The following GSE1 variants were observed in gnomAD, a reference collection of about 807,000 sequenced individuals.
The protein encoded by GSE1 is Gse1 coiled-coil protein.
Under a neutral mutation model 112.6 loss-of-function variants are expected in GSE1, and 32 were observed. The observed-to-expected ratio is 0.28, with a 90% confidence interval of 0.21 to 0.38. GSE1 has a LOEUF of 0.38. Among genes scored for constraint, GSE1 ranks in the 10% least tolerant of loss-of-function variants. The pLI is 1.00. For synonymous variants in GSE1, 1,115 were observed against 735.6 expected, an observed-to-expected ratio of 1.52 and a Z score of -8.35; for missense variants, 2,348 against 1,699.2, an observed-to-expected ratio of 1.38 and a Z score of -6.71.
intron 1 of GSE1, among the ~76,000 whole-genome samples, chr16:85,314,197 G>T (rs2045935219): frequency 6.6e-6 from 1 of 152,282 alleles, no homozygotes; most frequent in South Asian, 2.1e-4. Flanking sequence ...AGCCCGGGGA[G>T]TGAGAAGGAA....
intron 1 of GSE1, among the ~76,000 whole-genome samples, chr16:85,337,514 C>T: frequency 6.6e-6 from 1 of 152,022 alleles, no homozygotes; most frequent in East Asian, 1.9e-4. Flanking sequence ...ACCGTGTTAG[C>T]CAGGATGGTC....
intron 1 of GSE1, among the ~76,000 whole-genome samples, chr16:85,571,538 G>A (rs966606790): frequency 7.2e-5 from 11 of 152,184 alleles, no homozygotes; most frequent in Non-Finnish European, 1.3e-4. Context: ...TGCAATCCTC[G>A]GAGCGATACT....
At chr16:85,339,218 A>G (rs1322077258) in intron 1 of GSE1, among the ~76,000 whole-genome samples, 4 of 151,972 alleles carry the variant, frequency 2.6e-5, no homozygotes, top group Non-Finnish European at 5.9e-5. Flanking sequence ...TTGCAAATTG[A>G]TTTTCCCAGT....
chr16:85,332,345 A>G (rs1263169964), intron 1 of GSE1, among the ~76,000 whole-genome samples: 2 of 152,212 alleles, frequency 1.3e-5, no homozygotes, highest in Non-Finnish European at 2.9e-5. Context: ...ACACTAAGGA[A>G]TGCGGTACAT....
Position 85,407,998 on chromosome 16 carries a change from G to C in GSE1, c.2464+50355G>C, listed in dbSNP as rs546107407. 1.1e-3 allele frequency among the ~76,000 whole-genome samples: 46 copies of C among 43,134 alleles called. 3 individuals are homozygous for C. The highest frequency in any genetic ancestry group is 3.4e-3 in the South Asian group (3 of 878). The allele number at this position is 43,134 out of a possible 152,430, so 28.3% of individuals were successfully genotyped here. A position where few individuals can be genotyped will look rare whatever the true frequency, so the allele number is the denominator to read the frequency against. On this transcript the variant is annotated intron_variant, in intron 2 of 2. Coordinates refer to the GSE1 transcript ENST00000637419. ...GATAATCCTCACTGTTACACTCAGG[G>C]CCCCCTGGATAATCCTCACTGTTAC...
chr16:85,351,166 G>C (rs1331710522), intron 1 of GSE1, among the ~76,000 whole-genome samples: 2 of 152,210 alleles, frequency 1.3e-5, no homozygotes, highest in Non-Finnish European at 2.9e-5. Context: ...TACAGAGGAG[G>C]CCGGGAGATG....
At chr16:85,589,856 T>C (rs2046902824) in intron 1 of GSE1, among the ~76,000 whole-genome samples, 1 of 151,476 alleles carries the variant, frequency 6.6e-6, no homozygotes, top group African/African-American at 2.4e-5. Flanking sequence ...GTGTGAGATA[T>C]TGTGAACATG....
At chr16:85,218,284 A>C (rs994544176) in intron 1 of GSE1, among the ~76,000 whole-genome samples, 49 of 152,176 alleles carry the variant, frequency 3.2e-4, no homozygotes, top group Non-Finnish European at 6.0e-4. Flanking sequence ...TTGGGGGTCC[A>C]GAGCACCAGG....
intron 1 of GSE1, among the ~76,000 whole-genome samples, chr16:85,278,543 A>C (rs151126005): frequency 2.6e-5 from 4 of 152,348 alleles, no homozygotes; most frequent in African/African-American, 7.2e-5. Flanking sequence ...CAGATTTTTC[A>C]GGGGTATATT....
intron 1 of GSE1, among the ~76,000 whole-genome samples, chr16:85,258,348 GC>G (rs1213014945): frequency 1.3e-5 from 2 of 152,200 alleles, no homozygotes; most frequent in Non-Finnish European, 2.9e-5. Flanking sequence ...TCCTGGCTCC[GC>G]ACCCCTGGGA....
chr16:85,456,886 T>G lies in GSE1; in HGVS notation c.2464+99243T>G, dbSNP rs556419318. 1.4e-3 allele frequency among the ~76,000 whole-genome samples: 210 copies of G among 152,182 alleles called. 1 individual carries two copies. Among genetic ancestry groups the G allele is most frequent in the African/African-American group, 4.8e-3 (199 of 41,518 alleles). On this transcript the variant is annotated intron_variant, in intron 2 of 2. Coordinates refer to the GSE1 transcript ENST00000637419. ...ACTCACAGGAGAGACACCGGCAGGCTGTGTTTTCAAAGAAGATGCCATTCA... is the reference window on the plus strand; with the variant it reads ...ACTCACAGGAGAGACACCGGCAGGCGGTGTTTTCAAAGAAGATGCCATTCA...
upstream of GSE1, among the ~76,000 whole-genome samples, chr16:85,553,679 C>T (rs1186758500): frequency 2.6e-5 from 4 of 152,108 alleles, no homozygotes; most frequent in East Asian, 5.8e-4. Context: ...GCCACCCCTC[C>T]CTTGGCTCCG....
intron 1 of GSE1, among the ~76,000 whole-genome samples, chr16:85,191,937 C>A (rs556330105): frequency 6.6e-6 from 1 of 152,162 alleles, no homozygotes; most frequent in Non-Finnish European, 1.5e-5. Context: ...CATGGGTGGG[C>A]GTGTGCAGAG....
chr16:85,218,037 A>T (rs532041181), intron 1 of GSE1, among the ~76,000 whole-genome samples: 8 of 152,198 alleles, frequency 5.3e-5, no homozygotes, highest in Admixed American at 6.5e-5. Flanking sequence ...TGTAACTGGG[A>T]CTACAGGCAC....
At chr16:85,281,663 T>G (rs78160732) in intron 1 of GSE1, among the ~76,000 whole-genome samples, 4,701 of 152,216 alleles carry the variant, frequency 0.031, 233 homozygotes, top group African/African-American at 0.11. Flanking sequence ...TCAAGTTCCC[T>G]CCTACCTGGT....
At chr16:85,331,493 GTA>G (rs993518877) in intron 1 of GSE1, among the ~76,000 whole-genome samples, 5 of 112,912 alleles carry the variant, frequency 4.4e-5, no homozygotes, top group African/African-American at 1.4e-4. Flanking sequence ...GTATATATGT[GTA>G]TATGTGTATA....
At chr16:85,575,047 C>G (rs1406085302) in intron 1 of GSE1, among the ~76,000 whole-genome samples, 1 of 151,512 alleles carries the variant, frequency 6.6e-6, no homozygotes, top group Non-Finnish European at 1.5e-5. Flanking sequence ...CGCTCCCCCT[C>G]TCCCCCGCCC....
intron 2 of GSE1, among the ~76,000 whole-genome samples, chr16:85,643,744 C>T (rs942018652): frequency 1.3e-5 from 2 of 152,126 alleles, no homozygotes; most frequent in South Asian, 2.1e-4. Context: ...GGGCTTGGCA[C>T]GTGGTGGGGC....
At chr16:85,293,738 C>T (rs2045287303) in intron 1 of GSE1, among the ~76,000 whole-genome samples, 2 of 152,152 alleles carry the variant, frequency 1.3e-5, no homozygotes, top group African/African-American at 4.8e-5. Flanking sequence ...TTCCTTGGCT[C>T]CTAGAAGCCA....
Sources: allele counts gnomAD v4.1 joint callset (sites outside exome capture counted in the v4.1 genomes callset), GRCh38; gene constraint gnomAD v4.1.1; transcripts MANE v1.5; gene names NCBI Gene and HGNC (gene_info 2026-07-23, HGNC 2026-07-21).